NPTN: variants seen among roughly 807,000 people sequenced by gnomAD.
NPTN encodes SDR-1.
Under a neutral mutation model 42.7 loss-of-function variants are expected in NPTN, and 5 were observed. The ratio of observed to expected loss-of-function variants is 0.12; its 90% CI spans 0.06 to 0.25. The LOEUF (loss-of-function observed/expected upper bound fraction) is 0.25, where lower values mean the gene tolerates loss of function less well. NPTN is among the 10% of genes least tolerant of loss of function. The probability of loss-of-function intolerance (pLI) is 1.00; values close to 1 mark genes in which losing one functional copy is unlikely to be tolerated. For missense variants in NPTN, 307 were observed against 525.4 expected, an observed-to-expected ratio of 0.58 and a Z score of 4.06; for synonymous variants, 180 against 201.9, an observed-to-expected ratio of 0.89 and a Z score of 0.92.
intron 6 of NPTN, among the ~76,000 whole-genome samples, chr15:73,564,868 A>G (rs1031703749): frequency 6.6e-5 from 10 of 152,222 alleles, no homozygotes; most frequent in African/African-American, 2.4e-4. Context: ...TTCTAATGCA[A>G]GAGAGCCGAA....
chr15:73,577,097 C>T (rs1020209907), intron 4 of NPTN, among the ~76,000 whole-genome samples: 6 of 152,202 alleles, frequency 3.9e-5, no homozygotes, highest in African/African-American at 1.4e-4. Flanking sequence ...GAATTGTACT[C>T]CTCATCCTAG....
At chr15:73,579,728 G>A (rs536328732) in intron 4 of NPTN, among the ~76,000 whole-genome samples, 1 of 152,128 alleles carries the variant, frequency 6.6e-6, no homozygotes, top group South Asian at 2.1e-4. Context: ...GCCATACTGG[G>A]GGACACTCAA....
chr15:73,611,155 A>T (rs1897558400), intron 1 of NPTN, among the ~76,000 whole-genome samples: 1 of 152,222 alleles, frequency 6.6e-6, no homozygotes, highest in Non-Finnish European at 1.5e-5. Context: ...AAGATCCTGT[A>T]TTTGTCCCTG....
Position 73,569,250 on chromosome 15 carries a change from A to T in NPTN, c.1114+900T>A. ...GGGGAGCCAGCTGGGAACCTGAAGT[A>T]CTGCAGATACAAGTCTCCATCAGCA... On this transcript the variant is annotated intron_variant, in intron 6 of 8. Transcript: ENST00000345330. This position sits in a 1 kb window ranked among gnomAD's most constrained non-coding sequence, Gnocchi z 4.1. 1.0e-6 allele frequency: 1 copy of T among 985,552 alleles called. No individual in the cohort carries two copies. The highest frequency in any genetic ancestry group is 1.2e-6 in the Non-Finnish European group (1 of 830,008). The allele number at this position is 985,552 out of a possible 1,614,324, so 61.1% of individuals were successfully genotyped here.
chr15:73,581,361 C>A (rs139603061), intron 4 of NPTN, among the ~76,000 whole-genome samples: 3 of 152,244 alleles, frequency 2.0e-5, no homozygotes, highest in East Asian at 1.9e-4. Context: ...CTTCTCTTTA[C>A]CCTCTTAGGG....
chr15:73,582,105 C>CT (rs1343540627), intron 4 of NPTN, among the ~76,000 whole-genome samples: 10 of 152,334 alleles, frequency 6.6e-5, no homozygotes, highest in African/African-American at 2.4e-4. Context: ...TCCCAAAGTG[C>CT]TGGGATTACA....
intron 1 of NPTN, among the ~76,000 whole-genome samples, chr15:73,608,131 G>T (rs192379312): frequency 2.0e-5 from 3 of 152,214 alleles, no homozygotes; most frequent in Non-Finnish European, 1.5e-5. Context: ...TTTTATCTTG[G>T]ATTTGTTCAG....
intron 4 of NPTN, among the ~76,000 whole-genome samples, chr15:73,576,889 T>C (rs1370184771): frequency 6.6e-6 from 1 of 152,236 alleles, no homozygotes; most frequent in Non-Finnish European, 1.5e-5. Flanking sequence ...ATTTTATAAA[T>C]AAATCAGTTC....
rs912926300 is a variant in NPTN at position 73,618,693 on chromosome 15, T to C, written c.91+14432A>G. Among the ~76,000 whole-genome samples the C allele has an allele frequency of 9.9e-5, 15 of 152,038 alleles. 1 individual carries two copies. The highest frequency in any genetic ancestry group is 9.2e-4 in the Admixed American group (14 of 15,266). On this transcript the variant is annotated intron_variant, in intron 1 of 8. Coordinates refer to ENST00000345330, the MANE Select transcript of NPTN (RefSeq NM_012428.4). ...CTATGAAATATTTTTAAAAATTAGC[T>C]GGGCATGGTGGCACGCACCTGTGGT...
chr15:73,603,172 C>A (rs1474531536), intron 1 of NPTN, among the ~76,000 whole-genome samples: 1 of 152,222 alleles, frequency 6.6e-6, no homozygotes, highest in Non-Finnish European at 1.5e-5. Context: ...TAGCAGCTAC[C>A]TCACAGGGTT....
At chr15:73,612,603 T>TA (rs968552877) in intron 1 of NPTN, among the ~76,000 whole-genome samples, 16 of 151,474 alleles carry the variant, frequency 1.1e-4, no homozygotes, top group Admixed American at 6.6e-4. Context: ...CCGCCTCTAC[T>TA]AAAAAAAATA....
intron 1 of NPTN, among the ~76,000 whole-genome samples, chr15:73,613,340 T>C (rs1897685785): frequency 6.6e-6 from 1 of 152,174 alleles, no homozygotes; most frequent in African/African-American, 2.4e-5. Context: ...TTCTTCTACA[T>C]TCAATATTAA....
chr15:73,566,275 C>G (rs1480233037), intron 6 of NPTN, among the ~76,000 whole-genome samples: 1 of 152,046 alleles, frequency 6.6e-6, no homozygotes, highest in Non-Finnish European at 1.5e-5. Flanking sequence ...ATGTTTTGAC[C>G]AACGAATAGA....
chr15:73,587,488 T>A (rs1215447689), intron 4 of NPTN, 36 bp downstream of exon 4: 1 of 1,451,740 alleles, frequency 6.9e-7, no homozygotes, highest in Non-Finnish European at 9.7e-7. Flanking sequence ...GGAAGGAGAG[T>A]GAGAGGCTCA....
intron 1 of NPTN, among the ~76,000 whole-genome samples, chr15:73,617,054 C>A (rs1256430820): frequency 1.3e-5 from 2 of 152,138 alleles, no homozygotes; most frequent in Non-Finnish European, 2.9e-5. Flanking sequence ...AGATGTATTC[C>A]AGCAGTTCCA....
chr15:73,628,539 T>A (rs1329899898), intron 1 of NPTN, among the ~76,000 whole-genome samples: 1 of 152,258 alleles, frequency 6.6e-6, no homozygotes, highest in Admixed American at 6.5e-5. Context: ...ACTGTTTCTC[T>A]ACATACTTCA....
chr15:73,624,372 C>T (rs1448263953), intron 1 of NPTN, among the ~76,000 whole-genome samples: 2 of 152,112 alleles, frequency 1.3e-5, no homozygotes, highest in South Asian at 2.1e-4. Context: ...CCTTGATGCA[C>T]GATTTGAGAT....
At chr15:73,630,787 C>G (rs1216413247) in intron 1 of NPTN, among the ~76,000 whole-genome samples, 1 of 152,194 alleles carries the variant, frequency 6.6e-6, no homozygotes, top group Non-Finnish European at 1.5e-5. Flanking sequence ...TAAGAAAACA[C>G]AAACTCCATG....
intron 4 of NPTN, among the ~76,000 whole-genome samples, chr15:73,575,701 C>T (rs1044727478): frequency 4.6e-5 from 7 of 152,198 alleles, no homozygotes; most frequent in Admixed American, 2.6e-4. Flanking sequence ...CCACCTTTGA[C>T]TGGCTTGGTT....
Sources: allele counts gnomAD v4.1 joint callset (sites outside exome capture counted in the v4.1 genomes callset), GRCh38; gene constraint gnomAD v4.1.1; non-coding constraint Gnocchi (gnomAD v3.1); transcripts MANE v1.5; gene names NCBI Gene and HGNC (gene_info 2026-07-23, HGNC 2026-07-21).